PDE4A: variants seen among roughly 807,000 people sequenced by gnomAD.
PDE4A encodes 3',5'-cyclic-AMP phosphodiesterase 4A.
In PDE4A, 21 loss-of-function variants were observed where a neutral mutation model predicts 73.9. The observed-to-expected ratio is 0.28, with a 90% CI of 0.20 to 0.41. The LOEUF (loss-of-function observed/expected upper bound fraction) is 0.41, where lower values mean the gene tolerates loss of function less well. PDE4A is among the 10% of genes least tolerant of loss of function. The pLI is 1.00. For missense variants in PDE4A, 958 were observed against 1,211.4 expected (o/e 0.79, Z 3.10); for synonymous variants, 463 against 505.4 (o/e 0.92, Z 1.13).
chr19:10,444,419 A>C (rs2042976988), intron 1 of PDE4A, among the ~76,000 whole-genome samples: 1 of 150,884 alleles, frequency 6.6e-6, no homozygotes, highest in South Asian at 2.1e-4. Flanking sequence ...AATCGCTTGA[A>C]CCCAGGAGGC....
intron 6 of PDE4A, among the ~76,000 whole-genome samples, chr19:10,454,525 C>A (rs1162114235): frequency 2.0e-5 from 3 of 152,212 alleles, no homozygotes; most frequent in Admixed American, 6.5e-5. Context: ...TAGGCAGGAG[C>A]CCCTCCCTTC....
chr19:10,439,301 C>T (rs922149818), intron 1 of PDE4A, among the ~76,000 whole-genome samples: 2 of 152,102 alleles, frequency 1.3e-5, no homozygotes, highest in African/African-American at 4.8e-5. Context: ...CTGGCTGCAG[C>T]CTCCCGAGTA....
rs577621610 is a variant in PDE4A at position 10,464,976 on chromosome 19, C to A, written c.1926+1001C>A. 2.0e-5 allele frequency among the ~76,000 whole-genome samples: 3 copies of A among 152,104 alleles called. No homozygotes were observed. In the South Asian group the frequency reaches 6.2e-4, roughly 32 times the overall value. On this transcript the variant is annotated intron_variant, in intron 14 of 14. Transcript: ENST00000380702. ...ACTCAGTCTGCCTCCCTCAGCCTCC[C>A]AAAGTGCTGGGATTACAGGGGTGAG...
At chr19:10,439,980 T>TC (rs1331257631) in intron 1 of PDE4A, among the ~76,000 whole-genome samples, 1 of 135,936 alleles carries the variant, frequency 7.4e-6, no homozygotes, top group African/African-American at 2.9e-5. Context: ...ACATGGTATC[T>TC]CCTTTTTTTT....
In PDE4A at chr19:10,420,969, G is replaced by C. The variant is rs1258895781; in HGVS notation, c.205G>C (p.Asp69His). The C allele has an allele frequency of 1.3e-6, 2 of 1,553,194 alleles. No homozygotes were observed. Among genetic ancestry groups the C allele is most frequent in the Admixed American group, 1.9e-5 (1 of 53,884 alleles). ...RQPHRPIERA[D>H]AMDTSDRPGL... ...GCCGCACCGGCCCATAGAGCGCGCC[G>C]ATGCCATGGACACCAGCGACCGGCC... Residue 69 changes from aspartate (D) to histidine (H), a missense_variant, in exon 1 of 15, where the codon GAT (aspartate) becomes CAT (histidine). Transcript: ENST00000380702. The surrounding 1 kb of genome is among the most constrained non-coding windows in gnomAD (Gnocchi z 6.0).
rs1431024501 is a variant in PDE4A at position 10,453,674 on chromosome 19, TTG to T, written c.784-1149_784-1148del. On this transcript the variant is annotated intron_variant, in intron 6 of 14. Coordinates refer to ENST00000380702, the MANE Select transcript of PDE4A (RefSeq NM_001111307.2). This position sits in a 1 kb window ranked among gnomAD's most constrained non-coding sequence, Gnocchi z 4.6. ...TCTGACCATGGTGTTGTGTGTTGGG[TTG>T]TGTGTCTGAGCCCAGAGCTGCCTGA... Among the ~76,000 whole-genome samples the T allele has an allele frequency of 3.3e-5, 5 of 151,996 alleles. No homozygotes were observed. The East Asian group carries it at 9.7e-4, about 29-fold the overall frequency.
At chr19:10,431,684 C>T (rs1169473648) in intron 1 of PDE4A, among the ~76,000 whole-genome samples, 1 of 152,220 alleles carries the variant, frequency 6.6e-6, no homozygotes, top group East Asian at 1.9e-4. Context: ...GCCTCCCCCT[C>T]TTCCACCTAC....
chr19:10,464,085 G>T, intron 14 of PDE4A, 110 bp downstream of exon 14: 1 of 1,402,540 alleles, frequency 7.1e-7, no homozygotes, highest in Non-Finnish European at 9.8e-7. Context: ...ACAATGCCAA[G>T]TTGTCCTGTT....
At position 10,459,645 on chromosome 19, in the gene PDE4A, A is replaced by G. The variant is rs773085745; in HGVS notation, c.1251A>G (p.Thr417=). The change falls in exon 10 of 15, where the codon ACA becomes ACG. Residue 417 remains threonine (T), a synonymous_variant. Coordinates refer to ENST00000380702, the MANE Select transcript of PDE4A (RefSeq NM_001111307.2). ...KFRIPVDTMV[T]YMLTLEDHYH... Reference sequence around the variant, plus strand: ...GCATCCCTGTGGACACGATGGTGACATACATGCTGACGCTGGAGGATCACT... The same window carrying G: ...GCATCCCTGTGGACACGATGGTGACGTACATGCTGACGCTGGAGGATCACT... 6.2e-7 allele frequency: 1 copy of G among 1,614,230 alleles called. No individual in the cohort carries two copies. Among genetic ancestry groups the G allele is most frequent in the East Asian group, 2.2e-5 (1 of 44,878 alleles).
intron 1 of PDE4A, among the ~76,000 whole-genome samples, chr19:10,441,562 T>G (rs552310679): frequency 6.6e-6 from 1 of 152,276 alleles, no homozygotes; most frequent in South Asian, 2.1e-4. Flanking sequence ...ACTTGTTTGT[T>G]ATTGTTGTTG....
chr19:10,420,800 G>C lies in PDE4A; in HGVS notation c.36G>C (p.Leu12=). 1 of 1,585,086 alleles carries C rather than the reference G, an allele frequency of 6.3e-7. No homozygotes were observed. The highest frequency in any genetic ancestry group is 8.5e-7 in the Non-Finnish European group (1 of 1,174,156). Residue 12 remains leucine (L), a synonymous_variant, in exon 1 of 15, where the codon CTG becomes CTC. Coordinates refer to ENST00000380702, the MANE Select transcript of PDE4A (RefSeq NM_001111307.2). This position sits in a 1 kb window ranked among gnomAD's most constrained non-coding sequence, Gnocchi z 6.0. ...CGACCGTCCCCTCGGAAAGGAGCCT[G>C]TCTCTGTCACTGCCCGGGCCCCGGG... The part of the protein sequence containing the change: ...EPPTVPSERS[L]SLSLPGPREG...
At chr19:10,464,795 G>T (rs1193795549) in intron 14 of PDE4A, among the ~76,000 whole-genome samples, 3 of 151,804 alleles carry the variant, frequency 2.0e-5, no homozygotes, top group African/African-American at 7.3e-5. Context: ...TTGGCTCACT[G>T]CAACCTCCAC....
At chr19:10,450,717 C>T in intron 5 of PDE4A, 65 bp downstream of exon 5, 1 of 1,588,186 alleles carries the variant, frequency 6.3e-7, no homozygotes, top group South Asian at 1.1e-5. Context: ...CCCTCAGCCC[C>T]TTCCCCACCC....
In PDE4A at chr19:10,458,123, G is replaced by C. The variant is rs750500867; in HGVS notation, c.1101+21G>C. The C allele has an allele frequency of 5.6e-6, 9 of 1,611,884 alleles. No homozygotes were observed. Among genetic ancestry groups the C allele is most frequent in the Admixed American group, 5.0e-5 (3 of 59,966 alleles). ...CCCAAGTGGGTGGGGGCTCAGTAGGGGCAGGGCTGGAGGGGGTGGTCTCCT... is the reference window on the plus strand; with the variant it reads ...CCCAAGTGGGTGGGGGCTCAGTAGGCGCAGGGCTGGAGGGGGTGGTCTCCT... On this transcript the variant is annotated intron_variant, in intron 8 of 14. Transcript: ENST00000380702. The surrounding 1 kb of genome is among the most constrained non-coding windows in gnomAD (Gnocchi z 4.6).
At chr19:10,465,288 T>A (rs2043347299) in intron 14 of PDE4A, among the ~76,000 whole-genome samples, 1 of 151,520 alleles carries the variant, frequency 6.6e-6, no homozygotes, top group Non-Finnish European at 1.5e-5. Flanking sequence ...TGGTGCAGTC[T>A]CAGCTCACTG....
intron 1 of PDE4A, chr19:10,423,102 A>G: frequency 7.1e-6 from 7 of 983,804 alleles, no homozygotes; most frequent in Non-Finnish European, 8.4e-6. Flanking sequence ...GTATTCCAGC[A>G]GGGTATTCCT....
intron 1 of PDE4A, among the ~76,000 whole-genome samples, chr19:10,434,414 G>A (rs1383671810): frequency 3.3e-5 from 5 of 151,802 alleles, no homozygotes; most frequent in African/African-American, 9.7e-5. Flanking sequence ...CTCTATGGTG[G>A]CCAGGCTGAT....
At chr19:10,446,193 C>T in intron 1 of PDE4A, 25 bp from the exon 2 acceptor site, 1 of 1,548,612 alleles carries the variant, frequency 6.5e-7, no homozygotes, top group East Asian at 2.4e-5. Flanking sequence ...GCCTCCTGAC[C>T]CCTCTTCTCG....
Position 10,459,743 on chromosome 19 carries a change from C to T in PDE4A, c.1349C>T (p.Ala450Val). 1 of 1,611,524 alleles carries T rather than the reference C, an allele frequency of 6.2e-7. No homozygotes were observed. Among genetic ancestry groups the T allele is most frequent in the Non-Finnish European group, 8.5e-7 (1 of 1,178,422 alleles). ...DVLQSTHVLL[A>V]TPALDAVFTD... Reference sequence around the variant, plus strand: ...CTGCAGTCCACCCACGTACTGCTGGCCACGCCTGCACTAGATGTGAGTGAC... The same window carrying T: ...CTGCAGTCCACCCACGTACTGCTGGTCACGCCTGCACTAGATGTGAGTGAC... Residue 450 changes from alanine to valine, a missense_variant, in exon 10 of 15, where the codon GCC (alanine) becomes GTC (valine). Physicochemically the swap from Ala to Val is moderately conservative, Grantham distance 64. Transcript: ENST00000380702.
Sources: gnomAD v4.1 joint callset for allele counts (sites outside exome capture counted in the v4.1 genomes callset) on GRCh38, gnomAD v4.1.1 for gene constraint, Gnocchi (gnomAD v3.1) non-coding constraint, MANE v1.5 for transcripts, NCBI Gene and HGNC (gene_info 2026-07-23, HGNC 2026-07-21) for gene names.